Variants in DGKB observed in about 807,000 individuals in gnomAD.
DGKB encodes 90 kDa diacylglycerol kinase.
Under a neutral mutation model 114.3 loss-of-function variants are expected in DGKB, and 67 were observed. The observed-to-expected ratio is 0.59, with a 90% CI of 0.48 to 0.72. The LOEUF (loss-of-function observed/expected upper bound fraction) is 0.72, where lower values mean the gene tolerates loss of function less well. Ranked by LOEUF, DGKB falls within the 30% of genes least tolerant of loss-of-function variation. DGKB has a pLI of 0.00. For missense variants in DGKB, 907 were observed against 975.2 expected (o/e 0.93, Z 0.93); for synonymous variants, 398 against 323.1 (o/e 1.23, Z -2.49).
At chr7:14,363,964 G>T (rs1199045283) in intron 21 of DGKB, among the ~76,000 whole-genome samples, 1 of 151,948 alleles carries the variant, frequency 6.6e-6, no homozygotes, top group Admixed American at 6.6e-5. Context: ...TAGAAGAAAA[G>T]AAATATGATA....
At position 14,635,581 on chromosome 7, in the gene DGKB, A is replaced by T. The variant is rs1039032381; in HGVS notation, c.1135-5313T>A. 4.0e-5 allele frequency among the ~76,000 whole-genome samples: 6 copies of T among 151,730 alleles called. No individual in the cohort carries two copies. The South Asian group carries it at 1.0e-3, about 26-fold the overall frequency. On this transcript the variant is annotated intron_variant, in intron 13 of 25. Transcript: ENST00000402815. ...TTTAGAGCACCCATCTTCAAAACAC[A>T]TTTCAAAATGAAACATGCACATCCT...
At chr7:14,940,692 A>T (rs1273108048) in intron 1 of DGKB, among the ~76,000 whole-genome samples, 1 of 152,166 alleles carries the variant, frequency 6.6e-6, no homozygotes, top group African/African-American at 2.4e-5. Context: ...ATTTACATGC[A>T]TAAGAATGTG....
At chr7:14,855,460 C>A (rs4719429) in intron 1 of DGKB, among the ~76,000 whole-genome samples, 1 of 151,484 alleles carries the variant, frequency 6.6e-6, no homozygotes, top group Non-Finnish European at 1.5e-5. Flanking sequence ...ATTACATAAA[C>A]CTGTATTTGC....
chr7:14,841,041 G>A (rs965797980), intron 2 of DGKB, among the ~76,000 whole-genome samples, 153 bp downstream of exon 2: 1 of 152,096 alleles, frequency 6.6e-6, no homozygotes, highest in Admixed American at 6.6e-5. Context: ...GTGTCAAAAA[G>A]GTAGTCTCAA....
chr7:14,174,791 T>TATCACC (rs1318220531), intron 25 of DGKB, among the ~76,000 whole-genome samples: 1 of 152,108 alleles, frequency 6.6e-6, no homozygotes, highest in Non-Finnish European at 1.5e-5. Context: ...TTATCATCAC[T>TATCACC]ATCACCATCA....
At chr7:14,477,030 G>T (rs775665975) in intron 21 of DGKB, among the ~76,000 whole-genome samples, 7 of 152,008 alleles carry the variant, frequency 4.6e-5, no homozygotes, top group Non-Finnish European at 8.8e-5. Context: ...GATTACAGGC[G>T]TGAGCCACCG....
At chr7:14,705,746 T>C (rs1282877903) in intron 6 of DGKB, among the ~76,000 whole-genome samples, 1 of 151,026 alleles carries the variant, frequency 6.6e-6, no homozygotes, top group Non-Finnish European at 1.5e-5. Context: ...AATAAAATAC[T>C]TTACAGACAA....
At chr7:14,300,123 C>T (rs549766411) in intron 23 of DGKB, among the ~76,000 whole-genome samples, 4 of 152,132 alleles carry the variant, frequency 2.6e-5, no homozygotes, top group East Asian at 1.9e-4. Flanking sequence ...AAAGAGCTCC[C>T]GTGTAGTTTC....
At chr7:14,648,780 C>A (rs28796036) in intron 13 of DGKB, among the ~76,000 whole-genome samples, 3,055 of 139,582 alleles carry the variant, frequency 0.022, 111 homozygotes, top group African/African-American at 0.077. Flanking sequence ...CTAGAATAAC[C>A]AATACAGAGA....
chr7:14,474,487 C>A (rs765690480), intron 21 of DGKB, among the ~76,000 whole-genome samples: 3 of 152,092 alleles, frequency 2.0e-5, no homozygotes, highest in Non-Finnish European at 2.9e-5. Flanking sequence ...ATAACTGGTT[C>A]CATTTTGCAA....
chr7:14,220,230 A>G (rs759452639), intron 23 of DGKB, among the ~76,000 whole-genome samples: 1 of 151,624 alleles, frequency 6.6e-6, no homozygotes, highest in Admixed American at 6.6e-5. Context: ...TTAAGTTATT[A>G]TTATCTTATG....
intron 21 of DGKB, among the ~76,000 whole-genome samples, chr7:14,392,995 G>GTTTTTTTGTTTTTTTTTGTTTT (rs1554404750): frequency 5.0e-5 from 3 of 60,548 alleles, no homozygotes; most frequent in Admixed American, 2.3e-4. Context: ...TTTTGTTTTT[G>GTTTTTTTGTTTTTTTTTGTTTT]TTTTTTTTTT....
intron 13 of DGKB, among the ~76,000 whole-genome samples, chr7:14,661,258 T>G (rs1195221338): frequency 4.8e-5 from 7 of 146,730 alleles, no homozygotes; most frequent in African/African-American, 1.8e-4. Flanking sequence ...ACCATCTGAG[T>G]GAACAGGCAA....
intron 25 of DGKB, among the ~76,000 whole-genome samples, chr7:14,174,015 TAAAC>T (rs1781379667): frequency 6.6e-6 from 1 of 152,208 alleles, no homozygotes; most frequent in Non-Finnish European, 1.5e-5. Context: ...GTGCTTGTGT[TAAAC>T]AAGCTTAAAT....
rs578101551 is a variant in DGKB at position 14,319,298 on chromosome 7, A to T, written c.2122+19217T>A. Among the ~76,000 whole-genome samples, 78 of 151,526 alleles carry T rather than the reference A, an allele frequency of 5.1e-4. No homozygotes were observed. The East Asian group carries it at 0.011, about 21-fold the overall frequency. On this transcript the variant is annotated intron_variant, in intron 23 of 25. Transcript: ENST00000402815. ...AACTTAAAGTATAATAATAAAAAAA[A>T]ATATTGCAATAAATGGAATGTAGAA...
upstream of DGKB, among the ~76,000 whole-genome samples, chr7:14,903,598 T>C (rs958669064): frequency 6.6e-6 from 1 of 152,154 alleles, no homozygotes; most frequent in African/African-American, 2.4e-5. Flanking sequence ...TTCTACCAAT[T>C]GTAGCAGCTG....
intron 16 of DGKB, among the ~76,000 whole-genome samples, chr7:14,611,689 T>C (rs1805571636): frequency 6.7e-6 from 1 of 150,334 alleles, no homozygotes; most frequent in Non-Finnish European, 1.5e-5. Flanking sequence ...CTTAACATTT[T>C]AGTGTAACTA....
chr7:14,895,340 G>C (rs1161873456), intron 1 of DGKB, among the ~76,000 whole-genome samples: 1 of 151,414 alleles, frequency 6.6e-6, no homozygotes, highest in Non-Finnish European at 1.5e-5. Context: ...ACTGCCACCT[G>C]TTATACTCAC....
In DGKB at chr7:14,814,770, GT is replaced by G. The variant is rs573332826; in HGVS notation, c.70+26423del. Among the ~76,000 whole-genome samples, 5 of 149,582 alleles carry G rather than the reference GT, an allele frequency of 3.3e-5. No individual in the cohort carries two copies. The South Asian group carries it at 1.1e-3, about 32-fold the overall frequency. On this transcript the variant is annotated intron_variant, in intron 2 of 25. Transcript: ENST00000402815. Reference sequence around the variant, plus strand: ...TTACTTGCTTAAGGTGCTTGTAAATGTTTTCTTTATCCTTCAAATTCTAAAA... The same window carrying G: ...TTACTTGCTTAAGGTGCTTGTAAATGTTTCTTTATCCTTCAAATTCTAAAA...
Sources: gnomAD v4.1 joint callset for allele counts (sites outside exome capture counted in the v4.1 genomes callset) on GRCh38, gnomAD v4.1.1 for gene constraint, MANE v1.5 for transcripts, NCBI Gene and HGNC (gene_info 2026-07-23, HGNC 2026-07-21) for gene names.